TLN2: variants seen among roughly 807,000 people sequenced by gnomAD.
TLN2 encodes the protein talin-2.
In TLN2, 118 loss-of-function variants were observed where a neutral mutation model predicts 294.7. The ratio of observed to expected loss-of-function variants is 0.40; its 90% CI spans 0.34 to 0.47. The LOEUF (loss-of-function observed/expected upper bound fraction) is 0.47. TLN2 is among the 20% of genes least tolerant of loss of function. The probability of loss-of-function intolerance (pLI) is 0.84; values close to 1 mark genes in which losing one functional copy is unlikely to be tolerated. For synonymous variants in TLN2, 1,431 were observed against 1,304.5 expected, an observed-to-expected ratio of 1.10 and a Z score of -2.09; for missense variants, 3,083 against 3,282.2, an observed-to-expected ratio of 0.94 and a Z score of 1.48.
chr15:62,535,279 C>A (rs773256496), intron 1 of TLN2, among the ~76,000 whole-genome samples: 32 of 152,156 alleles, frequency 2.1e-4, no homozygotes, highest in Non-Finnish European at 4.1e-4. Flanking sequence ...CAGAAACCTC[C>A]CCAGCACTCC....
chr15:62,807,818 T>G (rs76866297), intron 51 of TLN2, among the ~76,000 whole-genome samples: 1,811 of 152,244 alleles, frequency 0.012, 37 homozygotes, highest in African/African-American at 0.039. Context: ...AAAATCAGAC[T>G]TGACAGGAGT....
chr15:62,495,689 T>C (rs1241265168), intron 1 of TLN2, among the ~76,000 whole-genome samples: 3 of 152,264 alleles, frequency 2.0e-5, no homozygotes, highest in African/African-American at 4.8e-5. Flanking sequence ...CTATCACCTA[T>C]TATTCCACCT....
chr15:62,600,824 C>G (rs944012158), intron 2 of TLN2, among the ~76,000 whole-genome samples: 4 of 152,148 alleles, frequency 2.6e-5, no homozygotes, highest in African/African-American at 9.7e-5. Flanking sequence ...TTTCCTGTCA[C>G]TATTTCAGTA....
intron 33 of TLN2, among the ~76,000 whole-genome samples, chr15:62,750,156 T>A (rs2061848285): frequency 6.6e-6 from 1 of 152,220 alleles, no homozygotes; most frequent in South Asian, 2.1e-4. Flanking sequence ...CCTTCAAAAC[T>A]GAAAACAAGA....
At chr15:62,659,160 G>C (rs990857711) in intron 9 of TLN2, among the ~76,000 whole-genome samples, 2 of 152,092 alleles carry the variant, frequency 1.3e-5, no homozygotes, top group Non-Finnish European at 2.9e-5. Flanking sequence ...CATAGCCCAG[G>C]GGCAACTAGT....
At chr15:62,684,096 A>C (rs998259388) in intron 11 of TLN2, 1 of 152,098 alleles carries the variant, frequency 6.6e-6, no homozygotes, top group Non-Finnish European at 1.5e-5. Flanking sequence ...CCTTTTCCTC[A>C]GTTGTGACCT....
intron 1 of TLN2, among the ~76,000 whole-genome samples, chr15:62,565,125 G>T (rs2043292167): frequency 6.6e-6 from 1 of 151,908 alleles, no homozygotes; most frequent in Non-Finnish European, 1.5e-5. Context: ...AAACACCCCA[G>T]AGTCTGCATG....
rs764053644 is a variant in TLN2, at chr15:62,722,463, G to A, written c.3102G>A (p.Ala1034=). ...QCAKNLATSL[A]ELRTASQKAH... is the part of the protein sequence containing the mutation. The stretch of plus-strand genomic sequence containing the variant: ...CCAAGAACCTGGCCACCAGCTTGGC[G>A]GAGCTGCGTACCGCCTCGCAGAAGG... Residue 1034 remains alanine (A), a synonymous_variant, in exon 26 of 59, where the codon GCG becomes GCA. Transcript: ENST00000636159. The A allele has an allele frequency of 2.2e-5, 36 of 1,611,946 alleles. No homozygotes were observed. The highest frequency in any genetic ancestry group is 2.0e-4 in the Middle Eastern group (1 of 5,092).
At chr15:62,631,886 G>A (rs566487046) in intron 3 of TLN2, among the ~76,000 whole-genome samples, 4 of 152,120 alleles carry the variant, frequency 2.6e-5, no homozygotes, top group East Asian at 3.9e-4. Context: ...GGCCTTGATA[G>A]TTTTATAGTG....
chr15:62,750,607 A>T, intron 34 of TLN2, 116 bp downstream of exon 34: 1 of 849,572 alleles, frequency 1.2e-6, no homozygotes, highest in Non-Finnish European at 2.0e-6. Context: ...AGCCACATGT[A>T]GCATGAAGCC....
intron 52 of TLN2, among the ~76,000 whole-genome samples, chr15:62,818,839 T>A (rs922367998): frequency 5.4e-5 from 2 of 37,010 alleles, no homozygotes; most frequent in South Asian, 1.7e-3. Context: ...TCTTTTTTTT[T>A]TTATTTTTAT....
chr15:62,551,713 C>T (rs528422674), intron 1 of TLN2, among the ~76,000 whole-genome samples: 5 of 152,124 alleles, frequency 3.3e-5, no homozygotes, highest in Non-Finnish European at 7.4e-5. Context: ...ACAAAAACAC[C>T]TAGATTTCTG....
chr15:62,478,273 C>T (rs1431667219), intron 1 of TLN2, among the ~76,000 whole-genome samples: 1 of 152,198 alleles, frequency 6.6e-6, no homozygotes, highest in African/African-American at 2.4e-5. Flanking sequence ...CTTTTAACCC[C>T]TGCATCATGA....
chr15:62,509,406 A>G (rs747125468), intron 1 of TLN2, among the ~76,000 whole-genome samples: 5 of 152,152 alleles, frequency 3.3e-5, no homozygotes, highest in Non-Finnish European at 7.4e-5. Context: ...TATTTCTGTT[A>G]CTTTCTAAGT....
At chr15:62,457,039 A>C (rs894526250) in intron 1 of TLN2, among the ~76,000 whole-genome samples, 2 of 152,102 alleles carry the variant, frequency 1.3e-5, no homozygotes, top group African/African-American at 4.8e-5. Context: ...GGCCCTGTCT[A>C]CCCTTGGTCA....
Position 62,753,929 on chromosome 15 carries a change from G to T in TLN2, c.4476+13G>T, listed in dbSNP as rs778395492. ...CAGCCCATCACAGGTAACTGTTGGG[G>T]AGGATGTAAGATTTCAAGCCCTTAA... On this transcript the variant is annotated intron_variant, in intron 36 of 58. Coordinates refer to ENST00000636159, the MANE Select transcript of TLN2 (RefSeq NM_015059.3). 6.4e-6 allele frequency: 10 copies of T among 1,569,158 alleles called. No individual in the cohort carries two copies. The South Asian group carries it at 1.1e-4, about 17-fold the overall frequency.
chr15:62,710,485 G>GTTGT (rs376842725), intron 21 of TLN2, among the ~76,000 whole-genome samples: 3 of 152,080 alleles, frequency 2.0e-5, no homozygotes, highest in African/African-American at 7.2e-5. Flanking sequence ...TGAATTTGTT[G>GTTGT]TTGTTTGTTT....
chr15:62,410,203 T>C (rs761762654), intron 1 of TLN2, among the ~76,000 whole-genome samples: 9 of 151,674 alleles, frequency 5.9e-5, no homozygotes, highest in Admixed American at 1.3e-4. Context: ...GATCACGCCA[T>C]TGCACTCCAC....
intron 9 of TLN2, among the ~76,000 whole-genome samples, chr15:62,671,087 G>A (rs2055353730): frequency 6.6e-6 from 1 of 151,974 alleles, no homozygotes; most frequent in Non-Finnish European, 1.5e-5. Context: ...TCTCTTCTTT[G>A]GAGAAATGAC....
Sources: gnomAD v4.1 joint callset for allele counts (sites outside exome capture counted in the v4.1 genomes callset) on GRCh38, gnomAD v4.1.1 for gene constraint, MANE v1.5 for transcripts, NCBI Gene and HGNC (gene_info 2026-07-23, HGNC 2026-07-21) for gene names.